ACSL3: variants seen among roughly 807,000 people sequenced by gnomAD.
ACSL3 encodes acyl-CoA synthetase long chain family member 3.
Under a neutral mutation model 84.7 loss-of-function variants are expected in ACSL3, and 34 were observed. The observed-to-expected ratio is 0.40, with a 90% CI of 0.31 to 0.53. The LOEUF (loss-of-function observed/expected upper bound fraction) is 0.53, where lower values mean the gene tolerates loss of function less well. Ranked by LOEUF, ACSL3 falls within the 20% of genes least tolerant of loss-of-function variation. The probability of loss-of-function intolerance (pLI) is 0.48; values close to 1 mark genes in which losing one functional copy is unlikely to be tolerated. For synonymous variants in ACSL3, 315 were observed against 299.4 expected (o/e 1.05, Z -0.54); for missense variants, 680 against 873.1 (o/e 0.78, Z 2.79).
In ACSL3 at chr2:222,934,519, C is replaced by A; in HGVS notation, c.1848-11C>A. On this transcript the variant is annotated splice_polypyrimidine_tract_variant and intron_variant, in intron 15 of 16. Transcript: ENST00000357430. Reference sequence around the variant, plus strand: ...TTTTGTTCCTTATCTGTTATCCTTTCTATATTTCAGTTATCATTCTTATGT... The same window carrying A: ...TTTTGTTCCTTATCTGTTATCCTTTATATATTTCAGTTATCATTCTTATGT... 1.3e-6 allele frequency: 2 copies of A among 1,537,054 alleles called. No individual in the cohort carries two copies. Among genetic ancestry groups the A allele is most frequent in the Non-Finnish European group, 1.8e-6 (2 of 1,139,518 alleles).
At chr2:222,868,465 T>G (rs946161850) in intron 1 of ACSL3, among the ~76,000 whole-genome samples, 7 of 152,340 alleles carry the variant, frequency 4.6e-5, no homozygotes, top group African/African-American at 1.4e-4. Flanking sequence ...GTATGCAGTA[T>G]TTTCTAAGCC....
chr2:222,892,096 A>G (rs1220472749), intron 2 of ACSL3, among the ~76,000 whole-genome samples: 1 of 152,194 alleles, frequency 6.6e-6, no homozygotes, highest in East Asian at 1.9e-4. Context: ...GTGTGGGCAT[A>G]GTTGAAATCT....
In ACSL3 at chr2:222,916,197, T is replaced by G. The variant is rs925175674; in HGVS notation, c.379-122T>G. ...TCAAACTCAGTTTCTGGCTTTTTATTAAAAAGATAATTCTATGCAAACGTA... is the reference window on the plus strand; with the variant it reads ...TCAAACTCAGTTTCTGGCTTTTTATGAAAAAGATAATTCTATGCAAACGTA... On this transcript the variant is annotated intron_variant, in intron 4 of 16. Coordinates refer to ENST00000357430, the MANE Select transcript of ACSL3 (RefSeq NM_004457.5). The G allele has an allele frequency of 1.8e-4, 111 of 619,220 alleles. No homozygotes were observed. In the African/African-American group the frequency reaches 2.0e-3, roughly 11 times the overall value. The allele number at this position is 619,220 out of a possible 1,614,324, so 38.4% of individuals were successfully genotyped here.
intron 3 of ACSL3, among the ~76,000 whole-genome samples, chr2:222,907,912 A>G (rs927893233): frequency 5.9e-5 from 9 of 152,174 alleles, no homozygotes; most frequent in East Asian, 1.9e-4. Context: ...CACCTCTCCA[A>G]CGTTGCCCCA....
chr2:222,863,682 A>C (rs1026120801), intron 1 of ACSL3, among the ~76,000 whole-genome samples: 1 of 152,236 alleles, frequency 6.6e-6, no homozygotes, highest in African/African-American at 2.4e-5. Context: ...AAAAGTATCC[A>C]TTGTAGCATA....
chr2:222,864,459 T>G (rs1198783045), intron 1 of ACSL3, among the ~76,000 whole-genome samples: 1 of 151,222 alleles, frequency 6.6e-6, no homozygotes, highest in East Asian at 1.9e-4. Flanking sequence ...GAGACAAGAG[T>G]GGCCAGGAAG....
chr2:222,930,591 C>A, intron 13 of ACSL3, 30 bp from the exon 14 acceptor site: 1 of 1,511,820 alleles, frequency 6.6e-7, no homozygotes, highest in Middle Eastern at 1.8e-4. Flanking sequence ...GTATTTAACT[C>A]AACTATTAAC....
intron 1 of ACSL3, among the ~76,000 whole-genome samples, chr2:222,876,005 A>G (rs1695437970): frequency 6.6e-6 from 1 of 152,264 alleles, no homozygotes; most frequent in South Asian, 2.1e-4. Flanking sequence ...AAAGTAAAAC[A>G]GTAAACATAC....
At chr2:222,940,475 C>CTTT (rs543017870) in intron 16 of ACSL3, among the ~76,000 whole-genome samples, 20 of 122,610 alleles carry the variant, frequency 1.6e-4, no homozygotes, top group African/African-American at 4.5e-4. Flanking sequence ...TGGAACTTGT[C>CTTT]TTTTTTTTTT....
At chr2:222,867,011 T>G (rs1022248717) in intron 1 of ACSL3, among the ~76,000 whole-genome samples, 1 of 151,772 alleles carries the variant, frequency 6.6e-6, no homozygotes, top group Non-Finnish European at 1.5e-5. Context: ...ATTTTTGTAT[T>G]TTTGGTAGAG....
Position 222,909,058 on chromosome 2 carries a change from A to G in ACSL3, c.286A>G (p.Lys96Glu), listed in dbSNP as rs1412046413. 4.3e-6 allele frequency: 7 copies of G among 1,612,450 alleles called. No homozygotes were observed. Among genetic ancestry groups the G allele is most frequent in the Non-Finnish European group, 5.9e-6 (7 of 1,179,624 alleles). The change falls in exon 4 of 17, where the codon AAA (lysine) becomes GAA (glutamate). Residue 96 changes from lysine to glutamate, a missense_variant. Physicochemically the swap from Lys to Glu is moderately conservative, Grantham distance 56. This residue lies in a region of ACSL3 where 333 missense variants were observed against 347.5 expected (regional missense o/e 0.96). Transcript: ENST00000357430. Reference sequence around the variant, plus strand: ...TTTAGATAAAGTTTTTACATATGCAAAAAACAAATTTAAGAACAAAAGACT... The same window carrying G: ...TTTAGATAAAGTTTTTACATATGCAGAAAACAAATTTAAGAACAAAAGACT... ...DTLDKVFTYA[K>E]NKFKNKRLLG...
chr2:222,866,925 C>G (rs1574511988), intron 1 of ACSL3, among the ~76,000 whole-genome samples: 2 of 151,176 alleles, frequency 1.3e-5, no homozygotes, highest in South Asian at 2.1e-4. Context: ...ACCTCCGCCT[C>G]CCGGGTTCAA....
At chr2:222,937,789 C>T (rs147017054) in intron 16 of ACSL3, among the ~76,000 whole-genome samples, 2 of 152,100 alleles carry the variant, frequency 1.3e-5, no homozygotes, top group African/African-American at 4.8e-5. Flanking sequence ...ATTTACATTT[C>T]AGGTCATTAT....
In ACSL3 at chr2:222,942,606, C is replaced by T. The variant is rs1697343259; in HGVS notation, c.*952C>T. 5.0e-6 allele frequency: 1 copy of T among 198,218 alleles called. No homozygotes were observed. Among genetic ancestry groups the T allele is most frequent in the Non-Finnish European group, 1.0e-5 (1 of 96,280 alleles). 12.3% of individuals were successfully genotyped at this position (198,218 alleles called of 1,614,324 possible). On this transcript the variant is annotated 3_prime_UTR_variant, in exon 17 of 17. Transcript: ENST00000357430. ...TTAGTCATGGAAAATTATTCTATCT[C>T]AAAGTCTCCTTTTAGTCTAGATAAT...
chr2:222,889,003 A>G (rs1249178048), intron 2 of ACSL3, among the ~76,000 whole-genome samples: 3 of 152,228 alleles, frequency 2.0e-5, no homozygotes, highest in Non-Finnish European at 4.4e-5. Flanking sequence ...TTCTTTTAGT[A>G]GTTAATGGGT....
At chr2:222,920,776 G>T (rs968166130) in intron 7 of ACSL3, among the ~76,000 whole-genome samples, 1 of 152,126 alleles carries the variant, frequency 6.6e-6, no homozygotes, top group Admixed American at 6.5e-5. Context: ...GTCCCTGATA[G>T]CCACTTGACT....
intron 7 of ACSL3, chr2:222,919,446 A>T (rs149904851): frequency 0.018 from 5,945 of 325,036 alleles, 74 homozygotes; most frequent in Admixed American, 0.026. Flanking sequence ...AATATTTTAC[A>T]TTCAGTTTTC....
intron 2 of ACSL3, among the ~76,000 whole-genome samples, chr2:222,892,990 A>G (rs1437652919): frequency 6.6e-6 from 1 of 152,210 alleles, no homozygotes; most frequent in Non-Finnish European, 1.5e-5. Context: ...CCACTCATTT[A>G]TACTTCATTA....
At chr2:222,932,106 C>G (rs541916864) in intron 14 of ACSL3, among the ~76,000 whole-genome samples, 1 of 152,306 alleles carries the variant, frequency 6.6e-6, no homozygotes, top group Non-Finnish European at 1.5e-5. Flanking sequence ...TCCAAATCCC[C>G]AGGTTGGAGA....
Sources: gnomAD v4.1 joint callset for allele counts (sites outside exome capture counted in the v4.1 genomes callset) on GRCh38, gnomAD v4.1.1 for gene constraint, gnomAD v4.1.1 regional missense constraint, MANE v1.5 for transcripts, NCBI Gene and HGNC (gene_info 2026-07-23, HGNC 2026-07-21) for gene names.